The following FAF1 variants were observed in gnomAD, a reference collection of about 807,000 sequenced individuals.
FAF1 encodes the protein Fas associated factor 1.
In FAF1, 25 loss-of-function variants were observed where a neutral mutation model predicts 92.5. The observed-to-expected ratio is 0.27, with a 90% CI of 0.20 to 0.38. The LOEUF is 0.38. Ranked by LOEUF, FAF1 falls within the 10% of genes least tolerant of loss-of-function variation. The probability of loss-of-function intolerance (pLI) is 1.00; values close to 1 mark genes in which losing one functional copy is unlikely to be tolerated. For missense variants in FAF1, 636 were observed against 793.3 expected (o/e 0.80, Z 2.38); for synonymous variants, 234 against 273.2 (o/e 0.86, Z 1.42).
At chr1:50,762,284 A>G (rs1235018340) in intron 4 of FAF1, among the ~76,000 whole-genome samples, 1 of 152,254 alleles carries the variant, frequency 6.6e-6, no homozygotes, top group African/African-American at 2.4e-5. Flanking sequence ...TTATAGATTC[A>G]ATGCCATCCC....
Position 50,661,214 on chromosome 1 carries a change from TA to T in FAF1, c.658-5687del, listed in dbSNP as rs374534805. On this transcript the variant is annotated intron_variant, in intron 7 of 18. Transcript: ENST00000396153. Reference sequence around the variant, plus strand: ...TATTTTCCCCTTATGAGATCTCATTTAAAAATAAAGCCTGTCACACTGGTTT... The same window carrying T: ...TATTTTCCCCTTATGAGATCTCATTTAAAATAAAGCCTGTCACACTGGTTT... Among the ~76,000 whole-genome samples, 28 of 152,314 alleles carry T rather than the reference TA, an allele frequency of 1.8e-4. No individual in the cohort carries two copies. In the South Asian group the frequency reaches 4.6e-3, roughly 25 times the overall value.
intron 1 of FAF1, among the ~76,000 whole-genome samples, chr1:50,912,305 T>C (rs756985518): frequency 6.6e-6 from 1 of 152,218 alleles, no homozygotes; most frequent in East Asian, 1.9e-4. Flanking sequence ...TACAGGTTTT[T>C]AGACTCTGTC....
chr1:50,720,846 C>A (rs1466725130), intron 6 of FAF1, among the ~76,000 whole-genome samples: 2 of 152,138 alleles, frequency 1.3e-5, no homozygotes, highest in Non-Finnish European at 2.9e-5. Flanking sequence ...ATAAGACAAC[C>A]TTTATTCACC....
At chr1:50,624,249 G>C (rs1425064663) in intron 8 of FAF1, among the ~76,000 whole-genome samples, 1 of 152,070 alleles carries the variant, frequency 6.6e-6, no homozygotes, top group Non-Finnish European at 1.5e-5. Context: ...CTGGGTTCAA[G>C]CGATTCTCCT....
chr1:50,505,523 C>G (rs1647048538), intron 15 of FAF1, among the ~76,000 whole-genome samples: 1 of 152,158 alleles, frequency 6.6e-6, no homozygotes, highest in Non-Finnish European at 1.5e-5. Context: ...GTCAGGATTC[C>G]TTCCTGAAAG....
At chr1:50,704,147 G>C (rs1348415113) in intron 7 of FAF1, among the ~76,000 whole-genome samples, 3 of 152,092 alleles carry the variant, frequency 2.0e-5, no homozygotes, top group Non-Finnish European at 4.4e-5. Context: ...TGGCCATTAT[G>C]CTCCTTTTTG....
intron 1 of FAF1, among the ~76,000 whole-genome samples, chr1:50,934,516 A>C (rs1645071623): frequency 1.3e-5 from 2 of 152,172 alleles, no homozygotes; most frequent in African/African-American, 4.8e-5. Context: ...TGAGCCCAGA[A>C]GTTTGAGACC....
At chr1:50,677,948 T>A (rs1656205752) in intron 7 of FAF1, among the ~76,000 whole-genome samples, 1 of 151,930 alleles carries the variant, frequency 6.6e-6, no homozygotes, top group Admixed American at 6.6e-5. Context: ...ATTATGCAGT[T>A]CTTGCCATCT....
At chr1:50,780,254 A>G (rs1195569745) in intron 4 of FAF1, 4 of 152,490 alleles carry the variant, frequency 2.6e-5, no homozygotes, top group East Asian at 1.9e-4. Flanking sequence ...ATGAAAAGAT[A>G]CAAAAAGATA....
At chr1:50,801,775 T>C in intron 2 of FAF1, 98 bp from the exon 3 acceptor site, 1 of 722,606 alleles carries the variant, frequency 1.4e-6, no homozygotes, top group East Asian at 2.6e-5. Context: ...TTTTTAAAAA[T>C]GTATTTAAAC....
chr1:50,539,161 A>T (rs1056685540), intron 14 of FAF1, among the ~76,000 whole-genome samples: 3 of 152,242 alleles, frequency 2.0e-5, no homozygotes, highest in African/African-American at 7.2e-5. Context: ...CATACAAATA[A>T]GAAGAAACAA....
intron 1 of FAF1, among the ~76,000 whole-genome samples, chr1:50,859,468 T>A (rs987413588): frequency 4.0e-5 from 6 of 151,466 alleles, no homozygotes; most frequent in Non-Finnish European, 7.4e-5. Context: ...CCAATAACAC[T>A]CCAGCTGAAA....
At chr1:50,690,624 A>C (rs1395297291) in intron 7 of FAF1, among the ~76,000 whole-genome samples, 3 of 152,158 alleles carry the variant, frequency 2.0e-5, no homozygotes, top group Admixed American at 6.5e-5. Context: ...AACAAAAAAA[A>C]CTGTTGCATA....
chr1:50,618,715 A>AC (rs1279610804), intron 8 of FAF1, among the ~76,000 whole-genome samples: 1 of 150,230 alleles, frequency 6.7e-6, no homozygotes, highest in Non-Finnish European at 1.5e-5. Context: ...ATTTTTACTA[A>AC]CATTTGTTTT....
intron 15 of FAF1, among the ~76,000 whole-genome samples, chr1:50,520,678 C>T (rs1037376428): frequency 6.6e-6 from 1 of 152,132 alleles, no homozygotes; most frequent in African/African-American, 2.4e-5. Flanking sequence ...GAAACCCCAA[C>T]TCTACTAAAA....
At position 50,633,806 on chromosome 1, in the gene FAF1, C is replaced by T. The variant is rs374744642; in HGVS notation, c.744+21636G>A. Among the ~76,000 whole-genome samples, 69 of 152,230 alleles carry T rather than the reference C, an allele frequency of 4.5e-4. 1 individual carries two copies. In the South Asian group the frequency reaches 7.7e-3, roughly 17 times the overall value. ...AACGATATTCGTTGCCTGTCAAACC[C>T]CCGTGAGGTTTGATATGTAACTGCC... On this transcript the variant is annotated intron_variant, in intron 8 of 18. Transcript: ENST00000396153.
chr1:50,651,805 G>A (rs1329727343), intron 8 of FAF1, among the ~76,000 whole-genome samples: 2 of 152,034 alleles, frequency 1.3e-5, no homozygotes, highest in Non-Finnish European at 2.9e-5. Flanking sequence ...ATTTCAGTAA[G>A]TATAAAAACA....
At chr1:50,598,470 A>T (rs2124090673) in intron 8 of FAF1, among the ~76,000 whole-genome samples, 1 of 151,822 alleles carries the variant, frequency 6.6e-6, no homozygotes, top group South Asian at 2.1e-4. Flanking sequence ...TTTAAAAAAA[A>T]AAAAAAAAAA....
intron 6 of FAF1, chr1:50,715,112 C>A: frequency 2.9e-6 from 1 of 346,710 alleles, no homozygotes; most frequent in South Asian, 2.4e-5. Context: ...CTTCATCTAC[C>A]CTCAGATATA....
Sources: gnomAD v4.1 joint callset for allele counts (sites outside exome capture counted in the v4.1 genomes callset) on GRCh38, gnomAD v4.1.1 for gene constraint, MANE v1.5 for transcripts, NCBI Gene and HGNC (gene_info 2026-07-23, HGNC 2026-07-21) for gene names.